DLC1: variants seen among roughly 807,000 people sequenced by gnomAD.
DLC1 encodes the protein rho GTPase-activating protein 7.
A neutral mutation model predicts 140.3 loss-of-function variants in DLC1; 54 were observed. That is an observed-to-expected ratio of 0.38 (90% CI 0.31 to 0.48). DLC1 has a LOEUF of 0.48. DLC1 is among the 20% of genes least tolerant of loss of function. DLC1 has a pLI of 0.96. For synonymous variants in DLC1, 986 were observed against 728.1 expected, an observed-to-expected ratio of 1.35 and a Z score of -5.70; for missense variants, 2,536 against 1,907.0, an observed-to-expected ratio of 1.33 and a Z score of -6.14.
At chr8:13,238,823 C>G (rs1829410582) in intron 5 of DLC1, among the ~76,000 whole-genome samples, 1 of 152,122 alleles carries the variant, frequency 6.6e-6, no homozygotes, top group Non-Finnish European at 1.5e-5. Flanking sequence ...TGTGTATGCT[C>G]TCTGACGCGT....
At chr8:13,560,980 T>C (rs1804222821) in intron 1 of DLC1, among the ~76,000 whole-genome samples, 2 of 152,162 alleles carry the variant, frequency 1.3e-5, no homozygotes, top group Admixed American at 6.5e-5. Flanking sequence ...ATATATTTTT[T>C]AATTAAAAAA....
chr8:13,574,041 C>G (rs1364085712), intron 1 of DLC1, among the ~76,000 whole-genome samples: 1 of 152,130 alleles, frequency 6.6e-6, no homozygotes, highest in African/African-American at 2.4e-5. Flanking sequence ...AACAATGAAA[C>G]TGAATGTATC....
chr8:13,299,847 C>T (rs1363903999), intron 5 of DLC1, among the ~76,000 whole-genome samples: 2 of 152,116 alleles, frequency 1.3e-5, no homozygotes, highest in Admixed American at 1.3e-4. Flanking sequence ...TCAACAGTGA[C>T]TCCCAGAAGC....
chr8:13,115,486 T>TA, intron 6 of DLC1, 100 bp downstream of exon 6: 1 of 1,150,290 alleles, frequency 8.7e-7, no homozygotes, highest in Non-Finnish European at 1.2e-6. Context: ...ATAAAACATT[T>TA]AAACGATAAA....
At chr8:13,307,466 G>C (rs1444124792) in intron 4 of DLC1, among the ~76,000 whole-genome samples, 1 of 152,104 alleles carries the variant, frequency 6.6e-6, no homozygotes. Context: ...TACTTTCTAT[G>C]TGTCCCTTAA....
At chr8:13,164,603 G>C (rs1824969691) in intron 5 of DLC1, among the ~76,000 whole-genome samples, 1 of 152,144 alleles carries the variant, frequency 6.6e-6, no homozygotes, top group African/African-American at 2.4e-5. Flanking sequence ...AACCATGTTG[G>C]CATGGGATGT....
chr8:13,110,912 T>A (rs1820048847), intron 6 of DLC1, 89 bp from the exon 7 acceptor site: 1 of 1,140,210 alleles, frequency 8.8e-7, no homozygotes, highest in East Asian at 2.3e-5. Context: ...GATAAAACTC[T>A]TCAGCAATAT....
chr8:13,187,586 A>G lies in DLC1; in HGVS notation c.1349-71929T>C, dbSNP rs547292963. 1.3e-4 allele frequency among the ~76,000 whole-genome samples: 20 copies of G among 152,358 alleles called. No homozygotes were observed. In the East Asian group the frequency reaches 3.7e-3, roughly 28 times the overall value. ...TATTGATGATATAGAGGAGACGCAG[A>G]GAAAGACACTTAGCCAATAAAGAAA... is the stretch of plus-strand genomic sequence containing the variant. On this transcript the variant is annotated intron_variant, in intron 5 of 17. Transcript: ENST00000276297.
intron 5 of DLC1, among the ~76,000 whole-genome samples, chr8:13,206,672 G>A (rs1827678013): frequency 6.6e-6 from 1 of 152,010 alleles, no homozygotes; most frequent in African/African-American, 2.4e-5. Flanking sequence ...AGCTAAAAGT[G>A]CACAAAATGC....
chr8:13,358,922 T>C (rs1835075142), intron 4 of DLC1, among the ~76,000 whole-genome samples: 2 of 151,840 alleles, frequency 1.3e-5, no homozygotes, highest in South Asian at 4.1e-4. Flanking sequence ...TATTTTATTC[T>C]GCAAAAGCAA....
chr8:13,457,908 A>G (rs1478253370), intron 2 of DLC1, among the ~76,000 whole-genome samples: 1 of 152,022 alleles, frequency 6.6e-6, no homozygotes, highest in Non-Finnish European at 1.5e-5. Context: ...CTGAAAAGAG[A>G]AGTTATTTAT....
intron 5 of DLC1, among the ~76,000 whole-genome samples, chr8:13,119,521 C>T (rs565054063): frequency 1.3e-5 from 2 of 152,274 alleles, no homozygotes; most frequent in East Asian, 1.9e-4. Context: ...GTGCTTAATA[C>T]GCATAAGGCC....
intron 5 of DLC1, among the ~76,000 whole-genome samples, chr8:13,197,624 G>C (rs1233716702): frequency 6.6e-6 from 1 of 152,046 alleles, no homozygotes; most frequent in Non-Finnish European, 1.5e-5. Flanking sequence ...GGGATTACAG[G>C]TGTGAGCCAG....
At chr8:13,336,965 C>G (rs1428419921) in intron 4 of DLC1, among the ~76,000 whole-genome samples, 2 of 151,966 alleles carry the variant, frequency 1.3e-5, no homozygotes, top group African/African-American at 4.8e-5. Context: ...TTAGCTAAAG[C>G]AGATGAAATG....
chr8:13,398,102 G>T (rs1481804225), intron 3 of DLC1, among the ~76,000 whole-genome samples: 5 of 151,456 alleles, frequency 3.3e-5, no homozygotes, highest in Non-Finnish European at 5.9e-5. Flanking sequence ...CTGCACTCTA[G>T]CCTGGTGACA....
At chr8:13,368,861 T>A (rs974957616) in intron 4 of DLC1, among the ~76,000 whole-genome samples, 1 of 152,198 alleles carries the variant, frequency 6.6e-6, no homozygotes, top group Non-Finnish European at 1.5e-5. Flanking sequence ...TCTCACTCTG[T>A]TGCCCAGGCT....
intron 5 of DLC1, among the ~76,000 whole-genome samples, chr8:13,208,721 A>G (rs1378281370): frequency 1.5e-5 from 2 of 134,416 alleles, no homozygotes; most frequent in East Asian, 2.1e-4. Context: ...CAAGAAACAC[A>G]CACCACACAC....
At chr8:13,302,816 G>A (rs1832255023) in intron 5 of DLC1, among the ~76,000 whole-genome samples, 1 of 151,390 alleles carries the variant, frequency 6.6e-6, no homozygotes, top group Non-Finnish European at 1.5e-5. Context: ...CTGCCTTCAT[G>A]GCCATTCCTC....
chr8:13,491,524 C>A (rs1238498314), intron 2 of DLC1, among the ~76,000 whole-genome samples: 3 of 152,140 alleles, frequency 2.0e-5, no homozygotes, highest in Non-Finnish European at 4.4e-5. Context: ...GATATTCTAA[C>A]AGTTTCCTTT....
Sources: gnomAD v4.1 joint callset for allele counts (sites outside exome capture counted in the v4.1 genomes callset) on GRCh38, gnomAD v4.1.1 for gene constraint, MANE v1.5 for transcripts, NCBI Gene and HGNC (gene_info 2026-07-23, HGNC 2026-07-21) for gene names.